Variants in SPOCK3 observed in about 807,000 individuals in gnomAD.
The protein encoded by SPOCK3 is testican-3.
SPOCK3 carries 30 observed loss-of-function variants against 56.6 expected under a neutral mutation model. That is an observed-to-expected ratio of 0.53 (90% CI 0.40 to 0.72). The LOEUF is 0.72. Among genes scored for constraint, SPOCK3 ranks in the 30% least tolerant of loss-of-function variants. SPOCK3 has a pLI of 0.00. For synonymous variants in SPOCK3, 196 were observed against 183.3 expected, an observed-to-expected ratio of 1.07 and a Z score of -0.56; for missense variants, 527 against 530.0, an observed-to-expected ratio of 0.99 and a Z score of 0.06.
At chr4:167,128,689 C>T (rs1762479094) in intron 2 of SPOCK3, among the ~76,000 whole-genome samples, 1 of 152,166 alleles carries the variant, frequency 6.6e-6, no homozygotes, top group South Asian at 2.1e-4. Context: ...TTCGTGATAC[C>T]TGCCACCACA....
chr4:166,903,246 A>G (rs1305983922), intron 5 of SPOCK3, among the ~76,000 whole-genome samples: 1 of 151,546 alleles, frequency 6.6e-6, no homozygotes, highest in Non-Finnish European at 1.5e-5. Context: ...AGACGTTTGA[A>G]TTAATAATAG....
At chr4:167,142,580 A>C (rs1423048798) in intron 2 of SPOCK3, among the ~76,000 whole-genome samples, 2 of 152,064 alleles carry the variant, frequency 1.3e-5, no homozygotes, top group African/African-American at 2.4e-5. Context: ...CTTTGAACAA[A>C]CAAACGGAAG....
Position 166,847,670 on chromosome 4 carries a change from TATATATATATAA to T in SPOCK3, c.589+41448_589+41459del, listed in dbSNP as rs1294244832. Among the ~76,000 whole-genome samples the T allele has an allele frequency of 7.6e-5, 8 of 105,844 alleles. No homozygotes were observed. The South Asian group carries it at 8.6e-4, about 11-fold the overall frequency. 69.4% of individuals were successfully genotyped at this position (105,844 alleles called of 152,430 possible). A position where few individuals can be genotyped will look rare whatever the true frequency, so the allele number is the denominator to read the frequency against. ...GTTTATATATATATATATATATATATATATATATATAAGAATCATGTTTACTTTTTTTTACAG... is the reference window on the plus strand; with the variant it reads ...GTTTATATATATATATATATATATATGAATCATGTTTACTTTTTTTTACAG... On this transcript the variant is annotated intron_variant, in intron 6 of 10. Transcript: ENST00000357545.
intron 7 of SPOCK3, among the ~76,000 whole-genome samples, chr4:166,780,014 C>T (rs1468551860): frequency 6.6e-6 from 1 of 152,068 alleles, no homozygotes; most frequent in Non-Finnish European, 1.5e-5. Flanking sequence ...GAAAATATTA[C>T]TTAGGATTAA....
intron 2 of SPOCK3, among the ~76,000 whole-genome samples, chr4:167,141,565 C>T (rs1763534393): frequency 6.6e-6 from 1 of 152,054 alleles, no homozygotes; most frequent in African/African-American, 2.4e-5. Flanking sequence ...TCCCCAATGG[C>T]AGCTGATCCA....
intron 3 of SPOCK3, among the ~76,000 whole-genome samples, chr4:167,046,172 G>A (rs1417724048): frequency 6.6e-6 from 1 of 152,022 alleles, no homozygotes; most frequent in African/African-American, 2.4e-5. Context: ...CAAAGCTGAT[G>A]TGATTCTTGT....
At chr4:166,786,215 T>C (rs1740716464) in intron 7 of SPOCK3, among the ~76,000 whole-genome samples, 1 of 151,990 alleles carries the variant, frequency 6.6e-6, no homozygotes, top group Admixed American at 6.6e-5. Context: ...GGGAAGAGTG[T>C]TCTAGGACAA....
At chr4:166,940,665 C>T (rs534402561) in intron 4 of SPOCK3, among the ~76,000 whole-genome samples, 9 of 151,052 alleles carry the variant, frequency 6.0e-5, no homozygotes, top group African/African-American at 1.9e-4. Context: ...GAAATATGAA[C>T]AAGCTTGTAC....
At chr4:166,822,029 C>T (rs10011960) in intron 6 of SPOCK3, among the ~76,000 whole-genome samples, 112,317 of 151,904 alleles carry the variant, frequency 0.74, 41,585 homozygotes, top group East Asian at 0.81. Context: ...AAAATGCTTT[C>T]TGAAATAGAA....
rs564178292 is a variant in SPOCK3 at position 167,082,756 on chromosome 4, A to AAGGGAGGGAGGG, written c.190-20231_190-20220dup. 2.7e-3 allele frequency among the ~76,000 whole-genome samples: 303 copies of AAGGGAGGGAGGG among 112,292 alleles called. 3 individuals are homozygous for AAGGGAGGGAGGG. Among genetic ancestry groups the AAGGGAGGGAGGG allele is most frequent in the African/African-American group, 0.012 (284 of 24,142 alleles). 73.7% of individuals were successfully genotyped at this position (112,292 alleles called of 152,430 possible). A position where few individuals can be genotyped will look rare whatever the true frequency, so the allele number is the denominator to read the frequency against. On this transcript the variant is annotated intron_variant, in intron 2 of 10. Transcript: ENST00000357545. Reference sequence around the variant, plus strand: ...TTTTTCTTCCAGGAAGGAAGGAAGGAAGGGAGGGAGGGAGGGAGGGAGGGA... The same window carrying AAGGGAGGGAGGG: ...TTTTTCTTCCAGGAAGGAAGGAAGGAAGGGAGGGAGGGAGGGAGGGAGGGAGGGAGGGAGGGA...
At chr4:167,234,194 G>A (rs369674462) in intron 1 of SPOCK3, 21 bp from the exon 2 acceptor site, 5 of 1,611,276 alleles carry the variant, frequency 3.1e-6, no homozygotes, top group Non-Finnish European at 3.4e-6. Context: ...AGACACAACG[G>A]GGGGTGGGGG....
chr4:166,844,782 G>A (rs1348580277), intron 6 of SPOCK3, among the ~76,000 whole-genome samples: 1 of 151,604 alleles, frequency 6.6e-6, no homozygotes, highest in Non-Finnish European at 1.5e-5. Flanking sequence ...CTATCTACCT[G>A]CCTACCTACC....
chr4:166,986,570 A>G (rs1453893962), intron 4 of SPOCK3, among the ~76,000 whole-genome samples: 2 of 152,112 alleles, frequency 1.3e-5, no homozygotes, highest in African/African-American at 2.4e-5. Context: ...CAGCACACGA[A>G]TGAAGAATTC....
chr4:166,885,161 T>A (rs1278971279), intron 6 of SPOCK3, among the ~76,000 whole-genome samples: 1 of 151,422 alleles, frequency 6.6e-6, no homozygotes, highest in Non-Finnish European at 1.5e-5. Context: ...TCATATGCAA[T>A]TGGATTTAAA....
intron 4 of SPOCK3, among the ~76,000 whole-genome samples, chr4:166,922,842 C>T (rs1188743768): frequency 1.3e-5 from 2 of 152,100 alleles, no homozygotes; most frequent in African/African-American, 2.4e-5. Flanking sequence ...GTCAACATAC[C>T]AAGCATTCTG....
intron 8 of SPOCK3, among the ~76,000 whole-genome samples, chr4:166,753,449 G>A (rs1736676978): frequency 6.6e-6 from 1 of 151,860 alleles, no homozygotes; most frequent in Non-Finnish European, 1.5e-5. Flanking sequence ...TTTAAACTTT[G>A]TTTAGAGTGG....
intron 10 of SPOCK3, 88 bp downstream of exon 10, chr4:166,737,379 T>C: frequency 7.2e-7 from 1 of 1,395,460 alleles, no homozygotes; most frequent in East Asian, 2.3e-5. Flanking sequence ...GAGTAAGTCC[T>C]CATTAAATGC....
intron 7 of SPOCK3, among the ~76,000 whole-genome samples, 186 bp from the exon 8 acceptor site, chr4:166,754,915 G>A (rs556045927): frequency 1.3e-5 from 2 of 151,956 alleles, no homozygotes; most frequent in Non-Finnish European, 2.9e-5. Flanking sequence ...CTACATTTCA[G>A]GATAGTTGTG....
intron 3 of SPOCK3, among the ~76,000 whole-genome samples, chr4:167,016,129 T>A (rs1750596903): frequency 6.6e-6 from 1 of 152,170 alleles, no homozygotes. Context: ...CAGGAAAGCC[T>A]GTGGAATTAT....
Sources: allele counts gnomAD v4.1 joint callset (sites outside exome capture counted in the v4.1 genomes callset), GRCh38; gene constraint gnomAD v4.1.1; transcripts MANE v1.5; gene names NCBI Gene and HGNC (gene_info 2026-07-23, HGNC 2026-07-21).